SMYD3: variants seen among roughly 807,000 people sequenced by gnomAD.
SMYD3 encodes the protein SET and MYND domain containing 3, also known as histone-lysine N-methyltransferase SMYD3.
In SMYD3, 36 loss-of-function variants were observed where a neutral mutation model predicts 57.7. The observed-to-expected ratio is 0.62, with a 90% CI of 0.48 to 0.82. SMYD3 has a LOEUF of 0.82. Among genes scored for constraint, SMYD3 ranks in the 40% least tolerant of loss-of-function variants. The pLI is 0.00. For synonymous variants in SMYD3, 211 were observed against 195.0 expected, an observed-to-expected ratio of 1.08 and a Z score of -0.68; for missense variants, 515 against 538.8, an observed-to-expected ratio of 0.96 and a Z score of 0.44.
At chr1:246,331,967 C>T (rs899402139) in intron 3 of SMYD3, among the ~76,000 whole-genome samples, 3 of 39,794 alleles carry the variant, frequency 7.5e-5, no homozygotes, top group East Asian at 3.8e-4. Flanking sequence ...ACTGCTCCGC[C>T]GACCGGCTTA....
intron 5 of SMYD3, among the ~76,000 whole-genome samples, chr1:245,985,555 G>T (rs2148089112): frequency 6.6e-6 from 1 of 152,180 alleles, no homozygotes; most frequent in Non-Finnish European, 1.5e-5. Flanking sequence ...TCAGAGGTGG[G>T]TCCAATCCAC....
At chr1:246,349,713 T>C (rs949746131) in intron 2 of SMYD3, among the ~76,000 whole-genome samples, 2 of 152,204 alleles carry the variant, frequency 1.3e-5, no homozygotes, top group Non-Finnish European at 2.9e-5. Flanking sequence ...GAGAGTAAAC[T>C]TGGATTCGTC....
intron 5 of SMYD3, among the ~76,000 whole-genome samples, chr1:245,988,107 A>AACACAC (rs35432668): frequency 3.1e-4 from 46 of 148,796 alleles, no homozygotes; most frequent in African/African-American, 3.2e-4. Context: ...AACCAAACCA[A>AACACAC]ACACACACAC....
chr1:246,423,539 A>C (rs10924727), intron 1 of SMYD3, among the ~76,000 whole-genome samples: 63,666 of 151,608 alleles, frequency 0.42, 13,837 homozygotes, highest in East Asian at 0.66. Flanking sequence ...TACCTCTAAA[A>C]AAATGTTTTA....
chr1:246,048,021 C>T (rs958615522), intron 5 of SMYD3, among the ~76,000 whole-genome samples: 13 of 151,840 alleles, frequency 8.6e-5, no homozygotes, highest in Admixed American at 4.6e-4. Flanking sequence ...CGAAAATATC[C>T]GTAAAATGTT....
At chr1:246,285,705 C>A (rs1010189113) in intron 5 of SMYD3, among the ~76,000 whole-genome samples, 10 of 152,188 alleles carry the variant, frequency 6.6e-5, no homozygotes, top group African/African-American at 1.9e-4. Flanking sequence ...AGTAAACAGA[C>A]AACCCACAGA....
At chr1:245,920,035 C>T (rs778605136) in intron 7 of SMYD3, among the ~76,000 whole-genome samples, 8 of 152,256 alleles carry the variant, frequency 5.3e-5, no homozygotes, top group Non-Finnish European at 7.4e-5. Context: ...AAGTTAAGGC[C>T]GGCCACGGTG....
At chr1:245,782,110 T>G (rs1355384296) in intron 10 of SMYD3, among the ~76,000 whole-genome samples, 1 of 152,174 alleles carries the variant, frequency 6.6e-6, no homozygotes, top group Non-Finnish European at 1.5e-5. Context: ...TTCTTTACCC[T>G]CCCTCTAAAC....
intron 5 of SMYD3, among the ~76,000 whole-genome samples, chr1:246,261,645 T>A (rs1333944554): frequency 1.3e-5 from 2 of 151,860 alleles, no homozygotes; most frequent in African/African-American, 4.8e-5. Flanking sequence ...TGAACTGACC[T>A]TAACAAAGAA....
intron 1 of SMYD3, among the ~76,000 whole-genome samples, chr1:246,387,547 A>G (rs556977111): frequency 1.3e-5 from 2 of 152,324 alleles, no homozygotes; most frequent in African/African-American, 4.8e-5. Context: ...GGCTTCCTGG[A>G]GTTTACAGTC....
rs565422143 is a variant in SMYD3 at position 245,815,615 on chromosome 1, T to G, written c.1076+42881A>C. ...ATCAACATAGCCAGATGGCTGGTGG[T>G]AGAAGCAACCCTGTCCCTGTAGCAC... On this transcript the variant is annotated intron_variant, in intron 10 of 11. Transcript: ENST00000490107. 2.0e-5 allele frequency among the ~76,000 whole-genome samples: 3 copies of G among 152,202 alleles called. No individual in the cohort carries two copies. In the South Asian group the frequency reaches 6.2e-4, roughly 31 times the overall value.
Position 245,749,450 on chromosome 1 carries a change from G to T in SMYD3, c.*113C>A, listed in dbSNP as rs1230718121. The stretch of plus-strand genomic sequence containing the variant: ...TGCCTTTATTTACCTACACAAACAC[G>T]GAACAGAATTTCCAATAGGAGAGGT... On this transcript the variant is annotated 3_prime_UTR_variant, in exon 12 of 12. Coordinates refer to ENST00000490107, the MANE Select transcript of SMYD3 (RefSeq NM_001167740.2). 1.4e-5 allele frequency: 11 copies of T among 758,770 alleles called. 1 individual carries two copies. The highest frequency in any genetic ancestry group is 2.0e-5 in the Non-Finnish European group (9 of 457,350). 47.0% of individuals were successfully genotyped at this position (758,770 alleles called of 1,614,324 possible).
intron 5 of SMYD3, among the ~76,000 whole-genome samples, chr1:246,034,827 G>T (rs536765410): frequency 1.2e-3 from 180 of 152,304 alleles, no homozygotes; most frequent in Non-Finnish European, 2.0e-3. Flanking sequence ...ACGCTGCAAT[G>T]TAATCCCACC....
At chr1:246,083,179 T>C (rs1233527948) in intron 5 of SMYD3, among the ~76,000 whole-genome samples, 2 of 151,824 alleles carry the variant, frequency 1.3e-5, no homozygotes, top group Non-Finnish European at 2.9e-5. Flanking sequence ...GGAAGGCATC[T>C]GTCTCCTGCT....
chr1:246,129,530 C>T lies in SMYD3; in HGVS notation c.531+197671G>A, dbSNP rs112193943. Among the ~76,000 whole-genome samples, 24 of 152,286 alleles carry T rather than the reference C, an allele frequency of 1.6e-4. 1 individual carries two copies. The highest frequency in any genetic ancestry group is 5.1e-4 in the African/African-American group (21 of 41,562). On this transcript the variant is annotated intron_variant, in intron 5 of 11. Coordinates refer to ENST00000490107, the MANE Select transcript of SMYD3 (RefSeq NM_001167740.2). ...GGGACTGACCTTTCGACATTCAGCG[C>T]CATTTCCTTTGACTCCTGGCATCTT...
chr1:246,090,253 G>T (rs2060798169), intron 5 of SMYD3, among the ~76,000 whole-genome samples: 1 of 152,100 alleles, frequency 6.6e-6, no homozygotes, highest in South Asian at 2.1e-4. Context: ...CATAATCCTT[G>T]CATAAGCACC....
chr1:245,967,575 C>G (rs1032768262), intron 5 of SMYD3, among the ~76,000 whole-genome samples: 2 of 152,154 alleles, frequency 1.3e-5, no homozygotes, highest in Non-Finnish European at 1.5e-5. Flanking sequence ...AAAGGCTGGC[C>G]TGTGATTACT....
intron 5 of SMYD3, among the ~76,000 whole-genome samples, chr1:246,129,703 T>C (rs1302185235): frequency 6.6e-6 from 1 of 152,016 alleles, no homozygotes. Context: ...GAGGCTGCCA[T>C]GGAGAGGACT....
intron 1 of SMYD3, among the ~76,000 whole-genome samples, chr1:246,462,097 G>C (rs1457822545): frequency 6.6e-6 from 1 of 152,216 alleles, no homozygotes; most frequent in Non-Finnish European, 1.5e-5. Context: ...TCCAGGTGAA[G>C]GTTTGGTTTC....
Sources: gnomAD v4.1 joint callset for allele counts (sites outside exome capture counted in the v4.1 genomes callset) on GRCh38, gnomAD v4.1.1 for gene constraint, MANE v1.5 for transcripts, NCBI Gene and HGNC (gene_info 2026-07-23, HGNC 2026-07-21) for gene names.